IMPG2: variants seen among roughly 807,000 people sequenced by gnomAD.
IMPG2 encodes interphotoreceptor matrix proteoglycan 2.
In IMPG2, 91 loss-of-function variants were observed where a neutral mutation model predicts 129.2. The ratio of observed to expected loss-of-function variants is 0.70; its 90% CI spans 0.59 to 0.84. IMPG2 has a LOEUF of 0.84. Among genes scored for constraint, IMPG2 ranks in the 40% least tolerant of loss-of-function variants. IMPG2 has a pLI of 0.00. For synonymous variants in IMPG2, 510 were observed against 517.7 expected, an observed-to-expected ratio of 0.99 and a Z score of 0.20; for missense variants, 1,430 against 1,461.7, an observed-to-expected ratio of 0.98 and a Z score of 0.35.
intron 3 of IMPG2, among the ~76,000 whole-genome samples, chr3:101,295,018 AT>A (rs1193873146): frequency 2.0e-5 from 3 of 152,074 alleles, no homozygotes; most frequent in African/African-American, 7.2e-5. Context: ...ATTTTCTCCC[AT>A]TCTGTAGGTT....
intron 4 of IMPG2, among the ~76,000 whole-genome samples, chr3:101,276,977 GTTC>G (rs568599976): frequency 1.2e-3 from 179 of 152,122 alleles, no homozygotes; most frequent in African/African-American, 4.2e-3. Context: ...TCTCTTCTCA[GTTC>G]TTATCACTAT....
chr3:101,248,188 C>T (rs984068628), intron 11 of IMPG2, among the ~76,000 whole-genome samples: 5 of 152,054 alleles, frequency 3.3e-5, no homozygotes, highest in Non-Finnish European at 7.4e-5. Flanking sequence ...GTGGGAGGGA[C>T]CTGGTGGGAG....
intron 8 of IMPG2, 105 bp from the exon 9 acceptor site, chr3:101,267,636 G>A: frequency 1.0e-6 from 1 of 953,790 alleles, no homozygotes; most frequent in Non-Finnish European, 1.7e-6. Context: ...GAATTTCTTT[G>A]AAATGCTTCC....
intron 7 of IMPG2, among the ~76,000 whole-genome samples, chr3:101,271,864 T>C (rs1271732156): frequency 6.6e-6 from 1 of 152,190 alleles, no homozygotes; most frequent in African/African-American, 2.4e-5. Context: ...ACAAGTTATT[T>C]GGCCTCCTGA....
intron 4 of IMPG2, among the ~76,000 whole-genome samples, chr3:101,285,630 G>C (rs1369272798): frequency 1.3e-5 from 2 of 152,110 alleles, no homozygotes; most frequent in Admixed American, 1.3e-4. Context: ...CTGATGGTTT[G>C]AGAAACATTA....
rs1706568538 is a variant in IMPG2, at chr3:101,253,706, G to A, written c.1229C>T (p.Ser410Leu). 6.2e-7 allele frequency: 1 copy of A among 1,610,294 alleles called. No homozygotes were observed. The highest frequency in any genetic ancestry group is 8.5e-7 in the Non-Finnish European group (1 of 1,177,636). ...AACATAAAAACATACCAGAATAGAT[G>A]ACGGCGTTGCCTGAAGACTTGAACT... The part of the protein sequence containing the change: ...TQSSSLQATP[S>L]SILDNTFQAA... Residue 410 changes from serine to leucine, a missense_variant, in exon 11 of 19, where the codon TCA (serine) becomes TTA (leucine). By Grantham distance (145) the Ser-to-Leu change is moderately radical (BLOSUM62 -2). Coordinates refer to ENST00000193391, the MANE Select transcript of IMPG2 (RefSeq NM_016247.4).
rs1198960809 is a variant in IMPG2 at position 101,224,941 on chromosome 3, C to T, written c.*2028G>A. Reference sequence around the variant, plus strand: ...GTGGAAAACAACAACCCTCCTCTGGCTCAGTTCGTGCTTCTCCTAAGTGTT... The same window carrying T: ...GTGGAAAACAACAACCCTCCTCTGGTTCAGTTCGTGCTTCTCCTAAGTGTT... On this transcript the variant is annotated 3_prime_UTR_variant, in exon 19 of 19. Transcript: ENST00000193391. 6.6e-6 allele frequency: 1 copy of T among 152,260 alleles called. No homozygotes were observed. The highest frequency in any genetic ancestry group is 2.4e-5 in the African/African-American group (1 of 41,462). 9.4% of individuals were successfully genotyped at this position (152,260 alleles called of 1,614,324 possible).
chr3:101,302,306 C>A (rs1707147858), intron 3 of IMPG2, among the ~76,000 whole-genome samples: 1 of 152,184 alleles, frequency 6.6e-6, no homozygotes, highest in African/African-American at 2.4e-5. Flanking sequence ...ACTAACCCAT[C>A]ATATATATTT....
At chr3:101,272,408 C>T (rs1484615252) in intron 7 of IMPG2, among the ~76,000 whole-genome samples, 1 of 152,074 alleles carries the variant, frequency 6.6e-6, no homozygotes, top group Non-Finnish European at 1.5e-5. Flanking sequence ...CATGGTAGGC[C>T]CAGAACCTTC....
chr3:101,239,850 A>G (rs1031654501), intron 14 of IMPG2, among the ~76,000 whole-genome samples: 7 of 152,194 alleles, frequency 4.6e-5, no homozygotes, highest in African/African-American at 1.7e-4. Context: ...GTTCTCACTC[A>G]TAAGTGGAAG....
At position 101,231,107 on chromosome 3, in the gene IMPG2, T is replaced by C. The variant is rs1317837285; in HGVS notation, c.3272A>G (p.His1091Arg). The change falls in exon 16 of 19, where the codon CAC (histidine) becomes CGC (arginine). Residue 1091 changes from histidine to arginine, a missense_variant. By Grantham distance (29) the His-to-Arg change is conservative. Transcript: ENST00000193391. ...GGGCTCAGACACAAATTCCTCACAG[T>C]GCTTGCCTCGGTACCACCAGTTCTC... ...VGENWWYRGK[H>R]CEEFVSEPVI... 3 of 1,614,144 alleles carry C rather than the reference T, an allele frequency of 1.9e-6. No individual in the cohort carries two copies. Among genetic ancestry groups the C allele is most frequent in the Admixed American group, 1.7e-5 (1 of 60,014 alleles).
intron 2 of IMPG2, among the ~76,000 whole-genome samples, chr3:101,305,093 T>G (rs1425410978): frequency 6.6e-6 from 1 of 152,136 alleles, no homozygotes; most frequent in African/African-American, 2.4e-5. Context: ...TTGGGGGTGA[T>G]GAAGATGTCC....
chr3:101,310,019 G>T (rs1707244797), intron 2 of IMPG2, among the ~76,000 whole-genome samples: 1 of 152,128 alleles, frequency 6.6e-6, no homozygotes. Flanking sequence ...ATACTAGAAT[G>T]GGAAGTATCT....
chr3:101,286,974 G>A (rs1390890566), intron 4 of IMPG2, among the ~76,000 whole-genome samples: 2 of 152,098 alleles, frequency 1.3e-5, no homozygotes, highest in African/African-American at 2.4e-5. Flanking sequence ...TGTGAATGAG[G>A]TGCACTGTGA....
intron 7 of IMPG2, among the ~76,000 whole-genome samples, chr3:101,270,137 G>C (rs1315562704): frequency 6.6e-6 from 1 of 151,588 alleles, no homozygotes. Flanking sequence ...GGGTTTCACC[G>C]TGTTGGCCAG....
chr3:101,275,593 G>T, intron 6 of IMPG2, 70 bp downstream of exon 6: 1 of 1,119,990 alleles, frequency 8.9e-7, no homozygotes, highest in Non-Finnish European at 1.4e-6. Context: ...TCCAGCAATG[G>T]GAGATAAACT....
intron 2 of IMPG2, among the ~76,000 whole-genome samples, chr3:101,315,724 T>A (rs1283535144): frequency 6.6e-6 from 1 of 151,982 alleles, no homozygotes; most frequent in Non-Finnish European, 1.5e-5. Flanking sequence ...CCCAAACTGA[T>A]CTATAGAATG....
intron 18 of IMPG2, among the ~76,000 whole-genome samples, 182 bp from the exon 19 acceptor site, chr3:101,227,163 A>C (rs533275929): frequency 4.1e-4 from 62 of 152,324 alleles, no homozygotes; most frequent in Admixed American, 1.4e-3. Flanking sequence ...CTCTACAAAG[A>C]TCATGTGATG....
At chr3:101,261,820 T>C (rs1011143268) in intron 9 of IMPG2, among the ~76,000 whole-genome samples, 3 of 152,036 alleles carry the variant, frequency 2.0e-5, no homozygotes, top group African/African-American at 7.2e-5. Flanking sequence ...AGGAAATACA[T>C]GAGAAGCAGA....
Sources: allele counts gnomAD v4.1 joint callset (sites outside exome capture counted in the v4.1 genomes callset), GRCh38; gene constraint gnomAD v4.1.1; transcripts MANE v1.5; gene names NCBI Gene and HGNC (gene_info 2026-07-23, HGNC 2026-07-21).